The following TRAF3IP1 variants were observed in gnomAD, a reference collection of about 807,000 sequenced individuals.
TRAF3IP1 encodes the protein intraflagellar transport 54, also known as TRAF3-interacting protein 1.
A neutral mutation model predicts 89.9 loss-of-function variants in TRAF3IP1; 53 were observed. That is an observed-to-expected ratio of 0.59 (90% confidence interval 0.47 to 0.74). The LOEUF is 0.74. Among genes scored for constraint, TRAF3IP1 ranks in the 30% least tolerant of loss-of-function variants. The pLI is 0.00. For missense variants in TRAF3IP1, 806 were observed against 866.1 expected, an observed-to-expected ratio of 0.93 and a Z score of 0.87; for synonymous variants, 311 against 322.1, an observed-to-expected ratio of 0.97 and a Z score of 0.37.
intron 1 of TRAF3IP1, among the ~76,000 whole-genome samples, chr2:238,323,137 GAC>G (rs1040016513): frequency 2.0e-5 from 3 of 150,640 alleles, no homozygotes; most frequent in Admixed American, 6.6e-5. Flanking sequence ...GGAGTGCAGT[GAC>G]ACAGTCTCCA....
At chr2:238,380,412 G>C (rs1439857428) in intron 15 of TRAF3IP1, among the ~76,000 whole-genome samples, 3 of 152,178 alleles carry the variant, frequency 2.0e-5, no homozygotes, top group Admixed American at 2.0e-4. Flanking sequence ...CTCTCCCCCG[G>C]GTCCCTGAGT....
At chr2:238,356,120 T>C in intron 15 of TRAF3IP1, 40 bp downstream of exon 15, 1 of 1,467,908 alleles carries the variant, frequency 6.8e-7, no homozygotes, top group Non-Finnish European at 9.5e-7. Context: ...ATTTTAGCAG[T>C]CTGTTTCATG....
chr2:238,384,539 ATT>A (rs35203636), intron 15 of TRAF3IP1, among the ~76,000 whole-genome samples: 12,787 of 119,978 alleles, frequency 0.11, 645 homozygotes, highest in African/African-American at 0.16. Context: ...CGCCTGGCTA[ATT>A]TTTTTTTTTT....
At chr2:238,337,217 A>G (rs1435492279) in intron 7 of TRAF3IP1, among the ~76,000 whole-genome samples, 2 of 152,218 alleles carry the variant, frequency 1.3e-5, no homozygotes, top group Non-Finnish European at 2.9e-5. Context: ...GTTTGTGATG[A>G]ATCTTCAAGG....
At chr2:238,359,667 A>G (rs1190232869) in intron 15 of TRAF3IP1, among the ~76,000 whole-genome samples, 1 of 152,186 alleles carries the variant, frequency 6.6e-6, no homozygotes, top group Non-Finnish European at 1.5e-5. Flanking sequence ...ACTATTATAA[A>G]TAAAGCTGCT....
At chr2:238,394,669 G>A (rs1220627885) in intron 15 of TRAF3IP1, among the ~76,000 whole-genome samples, 1 of 152,148 alleles carries the variant, frequency 6.6e-6, no homozygotes, top group Admixed American at 6.5e-5. Context: ...CTTATTAGTT[G>A]TATGAGTTTT....
chr2:238,339,617 A>G (rs1316899748), intron 8 of TRAF3IP1, among the ~76,000 whole-genome samples: 2 of 152,248 alleles, frequency 1.3e-5, no homozygotes, highest in African/African-American at 2.4e-5. Context: ...TACCTGCCTC[A>G]TGGCCTTGAG....
intron 15 of TRAF3IP1, among the ~76,000 whole-genome samples, chr2:238,358,584 C>T (rs1365009019): frequency 3.3e-5 from 5 of 152,298 alleles, no homozygotes; most frequent in African/African-American, 1.2e-4. Flanking sequence ...TGCCCCAGTC[C>T]TGTTCCCCCG....
intron 8 of TRAF3IP1, among the ~76,000 whole-genome samples, chr2:238,339,868 C>T (rs1241836888): frequency 2.0e-5 from 3 of 152,248 alleles, no homozygotes; most frequent in Admixed American, 6.5e-5. Context: ...TCTCCAGACA[C>T]GTAGTGAGGA....
At chr2:238,359,554 G>A (rs1395839618) in intron 15 of TRAF3IP1, among the ~76,000 whole-genome samples, 2 of 152,066 alleles carry the variant, frequency 1.3e-5, no homozygotes, top group Admixed American at 1.3e-4. Flanking sequence ...TGTATCTATA[G>A]TTTATTTGTT....
intron 15 of TRAF3IP1, among the ~76,000 whole-genome samples, chr2:238,387,283 T>G (rs1391165213): frequency 1.3e-5 from 2 of 152,198 alleles, no homozygotes; most frequent in Non-Finnish European, 2.9e-5. Context: ...AAGTAATTCG[T>G]CTAATGAGCA....
Position 238,351,837 on chromosome 2 carries a change from GTGTGT to G in TRAF3IP1, c.1452-989_1452-985del, listed in dbSNP as rs1559371239. 7.6e-4 allele frequency among the ~76,000 whole-genome samples: 43 copies of G among 56,272 alleles called. No homozygotes were observed. The highest frequency in any genetic ancestry group is 2.8e-3 in the South Asian group (5 of 1,786). 36.9% of individuals were successfully genotyped at this position (56,272 alleles called of 152,430 possible). ...CACTGAAGCAAGGGAGGATTTTGGT[GTGTGT>G]GTGTGTGTGTGTGTGTGTGTGTGTG... On this transcript the variant is annotated intron_variant, in intron 12 of 16. Transcript: ENST00000373327. This position sits in a 1 kb window ranked among gnomAD's most constrained non-coding sequence, Gnocchi z 5.2.
At chr2:238,327,944 T>C (rs1697919681) in intron 3 of TRAF3IP1, among the ~76,000 whole-genome samples, 1 of 152,210 alleles carries the variant, frequency 6.6e-6, no homozygotes, top group Non-Finnish European at 1.5e-5. Context: ...CTGAATAATA[T>C]TCCATTGTAA....
chr2:238,385,167 C>T (rs1224733386), intron 15 of TRAF3IP1, among the ~76,000 whole-genome samples: 1 of 152,074 alleles, frequency 6.6e-6, no homozygotes, highest in Non-Finnish European at 1.5e-5. Flanking sequence ...AGGTGCCTGC[C>T]ACCACGCCCG....
At chr2:238,392,968 T>C (rs1701059536) in intron 15 of TRAF3IP1, among the ~76,000 whole-genome samples, 1 of 152,260 alleles carries the variant, frequency 6.6e-6, no homozygotes, top group African/African-American at 2.4e-5. Context: ...ACGGGGGTTG[T>C]TTCCAGTTTG....
At chr2:238,326,092 T>C (rs1395971423) in intron 3 of TRAF3IP1, 122 bp downstream of exon 3, 14 of 928,788 alleles carry the variant, frequency 1.5e-5, no homozygotes, top group Non-Finnish European at 2.2e-5. Flanking sequence ...TGTCAAACAC[T>C]GTGCTTTGAA....
intron 15 of TRAF3IP1, among the ~76,000 whole-genome samples, chr2:238,378,422 C>T (rs77205534): frequency 0.032 from 4,800 of 152,336 alleles, 244 homozygotes; most frequent in African/African-American, 0.11. Context: ...AGGTTAACAA[C>T]TGTCTTTTTG....
intron 15 of TRAF3IP1, among the ~76,000 whole-genome samples, chr2:238,386,944 CT>C (rs1448619577): frequency 6.6e-6 from 1 of 152,150 alleles, no homozygotes; most frequent in Non-Finnish European, 1.5e-5. Context: ...TGCATTTTTT[CT>C]CCTATAGAAA....
chr2:238,348,231 C>A (rs1698991118), intron 10 of TRAF3IP1, among the ~76,000 whole-genome samples: 1 of 151,524 alleles, frequency 6.6e-6, no homozygotes, highest in Non-Finnish European at 1.5e-5. Flanking sequence ...AAATTAAAAG[C>A]ACTGGTAATT....
Sources: gnomAD v4.1 joint callset for allele counts (sites outside exome capture counted in the v4.1 genomes callset) on GRCh38, gnomAD v4.1.1 for gene constraint, Gnocchi (gnomAD v3.1) non-coding constraint, MANE v1.5 for transcripts, NCBI Gene and HGNC (gene_info 2026-07-23, HGNC 2026-07-21) for gene names.